DENND4C: variants seen among roughly 807,000 people sequenced by gnomAD.
DENND4C encodes DENN domain-containing protein 4C.
Under a neutral mutation model 203.0 loss-of-function variants are expected in DENND4C, and 108 were observed. The observed-to-expected ratio is 0.53, with a 90% confidence interval of 0.46 to 0.62. The LOEUF is 0.62. Ranked by LOEUF, DENND4C falls within the 20% of genes least tolerant of loss-of-function variation. The pLI, the probability that DENND4C is intolerant of heterozygous loss-of-function variation, is 0.00. For synonymous variants in DENND4C, 871 were observed against 792.4 expected (o/e 1.10, Z -1.67); for missense variants, 2,481 against 2,301.2 (o/e 1.08, Z -1.60).
chr9:19,244,233 G>A (rs1824536425), intron 1 of DENND4C, among the ~76,000 whole-genome samples: 1 of 152,126 alleles, frequency 6.6e-6, no homozygotes, highest in Non-Finnish European at 1.5e-5. Flanking sequence ...ATTTTGCCAT[G>A]TTAGCCAGGC....
chr9:19,338,252 CTTCATGTATAAAAAGCAAAAAAATATA>C (rs1820914442), intron 20 of DENND4C, among the ~76,000 whole-genome samples: 1 of 151,822 alleles, frequency 6.6e-6, no homozygotes, highest in African/African-American at 2.4e-5. Context: ...AAGAAATGGG[CTTCATGTATAAAAAGCAAAAAAATATA>C]TTTTTTTGTA....
intron 1 of DENND4C, among the ~76,000 whole-genome samples, chr9:19,262,230 G>A (rs1829557153): frequency 6.6e-6 from 1 of 151,712 alleles, no homozygotes; most frequent in African/African-American, 2.4e-5. Flanking sequence ...GGCACTACAG[G>A]CGTGTGCCAG....
chr9:19,241,872 A>AGG (rs374181479), intron 1 of DENND4C, among the ~76,000 whole-genome samples: 43 of 128,994 alleles, frequency 3.3e-4, no homozygotes, highest in African/African-American at 1.2e-3. Context: ...AGTAAGTAGA[A>AGG]GGAGTGCACT....
intron 20 of DENND4C, among the ~76,000 whole-genome samples, chr9:19,339,225 A>G (rs1821101750): frequency 6.6e-6 from 1 of 152,174 alleles, no homozygotes; most frequent in Admixed American, 6.5e-5. Context: ...TCTCTTGTAT[A>G]TAACCACACT....
chr9:19,238,512 C>T (rs1193164270), intron 1 of DENND4C, among the ~76,000 whole-genome samples: 1 of 11,638 alleles, frequency 8.6e-5, no homozygotes, highest in African/African-American at 3.9e-4. Context: ...CTCCCCTACT[C>T]TCCCTTCCCC....
chr9:19,350,818 C>G lies in DENND4C; in HGVS notation c.4434C>G (p.Ser1478Arg). 6.2e-7 allele frequency: 1 copy of G among 1,613,908 alleles called. No homozygotes were observed. The highest frequency in any genetic ancestry group is 8.5e-7 in the Non-Finnish European group (1 of 1,179,976). ...TGGTCCCCAGTGAACTTACCCAGAG[C>G]AACACAAGTCTTGGCAGTAGCAGCA... ...SGLVPSELTQ[S>R]NTSLGSSSSS... is the part of the protein sequence containing the mutation. Residue 1478 changes from serine to arginine, a missense_variant, in exon 24 of 33, where the codon AGC (serine) becomes AGG (arginine). Coordinates refer to ENST00000434457, the MANE Select transcript of DENND4C (RefSeq NM_001330640.2).
At chr9:19,290,935 G>C in intron 5 of DENND4C, 59 bp downstream of exon 5, 1 of 1,471,728 alleles carries the variant, frequency 6.8e-7, no homozygotes, top group South Asian at 1.2e-5. Context: ...TCATAAAAAG[G>C]TTAATACAAG....
At chr9:19,311,470 T>C (rs1840730963) in intron 10 of DENND4C, among the ~76,000 whole-genome samples, 1 of 152,208 alleles carries the variant, frequency 6.6e-6, no homozygotes, top group Non-Finnish European at 1.5e-5. Flanking sequence ...CGTTGAATTG[T>C]GATCAGAACA....
chr9:19,296,666 C>T (rs141073314), intron 6 of DENND4C, among the ~76,000 whole-genome samples: 12 of 152,242 alleles, frequency 7.9e-5, no homozygotes, highest in East Asian at 3.9e-4. Context: ...CTCCCTTCTT[C>T]GCCTGAATCA....
intron 10 of DENND4C, among the ~76,000 whole-genome samples, chr9:19,307,930 C>G (rs1588887715): frequency 6.6e-6 from 1 of 151,886 alleles, no homozygotes; most frequent in Non-Finnish European, 1.5e-5. Context: ...TGGAGTTTAT[C>G]ACATACATGT....
chr9:19,292,551 T>C (rs558784787), intron 5 of DENND4C: 14 of 146,580 alleles, frequency 9.6e-5, no homozygotes, highest in Admixed American at 7.3e-4. Context: ...CTTTTCTTTT[T>C]TTTTTTTTTT....
At chr9:19,353,053 G>A (rs1479782393) in intron 26 of DENND4C, among the ~76,000 whole-genome samples, 1 of 152,084 alleles carries the variant, frequency 6.6e-6, no homozygotes, top group Non-Finnish European at 1.5e-5. Context: ...GGAGGATCGC[G>A]TGAGCCCAGG....
chr9:19,283,269 C>T (rs187526317), intron 2 of DENND4C, among the ~76,000 whole-genome samples: 43 of 152,146 alleles, frequency 2.8e-4, no homozygotes, highest in Non-Finnish European at 7.4e-5. Flanking sequence ...TGCCTTCCAT[C>T]GCCACATCTT....
intron 30 of DENND4C, among the ~76,000 whole-genome samples, chr9:19,366,426 C>G (rs1038637036): frequency 3.6e-4 from 55 of 152,190 alleles, no homozygotes; most frequent in African/African-American, 1.2e-3. Context: ...ACGGTGAAAC[C>G]CCATCTCTAC....
At chr9:19,312,104 TTTTG>T (rs769802699) in intron 10 of DENND4C, among the ~76,000 whole-genome samples, 1 of 152,028 alleles carries the variant, frequency 6.6e-6, no homozygotes, top group Non-Finnish European at 1.5e-5. Context: ...GATATTTTGT[TTTTG>T]TTTGTTTGTT....
chr9:19,273,506 G>T (rs1467206839), intron 1 of DENND4C, among the ~76,000 whole-genome samples: 1 of 152,012 alleles, frequency 6.6e-6, no homozygotes, highest in South Asian at 2.1e-4. Context: ...ACAAGCCGCA[G>T]ACTGGGAGAA....
At chr9:19,324,341 A>G in intron 12 of DENND4C, 21 bp from the exon 13 acceptor site, 1 of 1,562,338 alleles carries the variant, frequency 6.4e-7, no homozygotes, top group Non-Finnish European at 8.7e-7. Context: ...TTTGAATTTA[A>G]TTATATTTTG....
At chr9:19,305,589 C>A (rs1030267833) in intron 10 of DENND4C, 62 bp downstream of exon 10, 2 of 1,475,468 alleles carry the variant, frequency 1.4e-6, no homozygotes, top group African/African-American at 2.8e-5. Context: ...AGTTACAGTT[C>A]TTTGAAAGCA....
intron 1 of DENND4C, among the ~76,000 whole-genome samples, chr9:19,248,735 C>T (rs1825847583): frequency 1.3e-5 from 2 of 151,918 alleles, no homozygotes; most frequent in Non-Finnish European, 2.9e-5. Context: ...CCTGGTGACA[C>T]CATAAAAATA....
Sources: gnomAD v4.1 joint callset for allele counts (sites outside exome capture counted in the v4.1 genomes callset) on GRCh38, gnomAD v4.1.1 for gene constraint, MANE v1.5 for transcripts, NCBI Gene and HGNC (gene_info 2026-07-23, HGNC 2026-07-21) for gene names.